Variants in NALF1 observed in about 807,000 individuals in gnomAD.
NALF1 encodes NALCN channel auxiliary factor 1.
Under a neutral mutation model 48.4 loss-of-function variants are expected in NALF1, and 3 were observed. The observed-to-expected ratio is 0.06, with a 90% CI of 0.03 to 0.16. The LOEUF is 0.16. Among genes scored for constraint, NALF1 ranks in the 10% least tolerant of loss-of-function variants. The pLI, the probability that NALF1 is intolerant of heterozygous loss-of-function variation, is 1.00. For synonymous variants in NALF1, 262 were observed against 245.7 expected, an observed-to-expected ratio of 1.07 and a Z score of -0.62; for missense variants, 526 against 571.5, an observed-to-expected ratio of 0.92 and a Z score of 0.81.
chr13:107,299,450 T>C (rs950304217), intron 1 of NALF1, among the ~76,000 whole-genome samples: 547 of 49,122 alleles, frequency 0.011, 5 homozygotes, highest in Non-Finnish European at 0.02. Flanking sequence ...ATAATAATAA[T>C]AATAATAATA....
intron 1 of NALF1, among the ~76,000 whole-genome samples, chr13:107,721,539 C>A (rs1875986612): frequency 6.6e-6 from 1 of 152,170 alleles, no homozygotes; most frequent in South Asian, 2.1e-4. Context: ...CGGTGTAGTG[C>A]AAATCTGGCT....
Position 107,225,907 on chromosome 13 carries a change from C to G in NALF1, c.916-15152G>C, listed in dbSNP as rs191694385. Among the ~76,000 whole-genome samples the G allele has an allele frequency of 2.1e-3, 325 of 152,144 alleles. 1 individual carries two copies. The highest frequency in any genetic ancestry group is 2.7e-3 in the Non-Finnish European group (186 of 68,000). ...CGTTAGCTTATCAAGGAATGAAACA[C>G]CTTCTGCTTGTTTCCCTTACATTGG... On this transcript the variant is annotated intron_variant, in intron 1 of 2. Transcript: ENST00000375915.
chr13:107,627,779 T>C (rs1879719127), intron 1 of NALF1, among the ~76,000 whole-genome samples: 1 of 152,094 alleles, frequency 6.6e-6, no homozygotes, highest in South Asian at 2.1e-4. Context: ...AGAGAGAAAG[T>C]AAAATTTGAC....
At chr13:107,299,775 T>C (rs1881804413) in intron 1 of NALF1, among the ~76,000 whole-genome samples, 1 of 152,130 alleles carries the variant, frequency 6.6e-6, no homozygotes. Context: ...TTCCATGAAT[T>C]ATAATCCAAT....
At chr13:107,397,247 T>C (rs1290671964) in intron 1 of NALF1, among the ~76,000 whole-genome samples, 1 of 152,172 alleles carries the variant, frequency 6.6e-6, no homozygotes, top group Non-Finnish European at 1.5e-5. Context: ...GAATCCCTTC[T>C]TCCTGCCCAT....
chr13:107,258,490 T>C (rs192637136), intron 1 of NALF1, among the ~76,000 whole-genome samples: 48 of 152,254 alleles, frequency 3.2e-4, no homozygotes, highest in Non-Finnish European at 6.3e-4. Flanking sequence ...GTAAGATTGG[T>C]CAAATCTACA....
In NALF1 at chr13:107,612,694, T is replaced by C. The variant is rs144061940; in HGVS notation, c.915+252988A>G. Among the ~76,000 whole-genome samples the C allele has an allele frequency of 4.2e-3, 646 of 152,248 alleles. 3 individuals are homozygous for C. The highest frequency in any genetic ancestry group is 0.015 in the African/African-American group (612 of 41,542). On this transcript the variant is annotated intron_variant, in intron 1 of 2. Transcript: ENST00000375915. ...CACAGGCGGGTATACTGGCACTTCA[T>C]GGACTTCAAGGCTGCCAGCATTTGG...
At chr13:107,414,816 A>AGT (rs34942300) in intron 1 of NALF1, among the ~76,000 whole-genome samples, 1,583 of 150,556 alleles carry the variant, frequency 0.011, 28 homozygotes, top group African/African-American at 0.033. Flanking sequence ...GGAGTGAGTG[A>AGT]GTGTGTGTGT....
intron 1 of NALF1, among the ~76,000 whole-genome samples, chr13:107,593,382 T>C (rs574105569): frequency 3.3e-5 from 5 of 152,076 alleles, no homozygotes; most frequent in Non-Finnish European, 7.4e-5. Context: ...CCTAGAATTT[T>C]ATTATAATTC....
chr13:107,559,015 G>C (rs996910522), intron 1 of NALF1, among the ~76,000 whole-genome samples: 1 of 152,190 alleles, frequency 6.6e-6, no homozygotes, highest in Non-Finnish European at 1.5e-5. Context: ...CCACCCTGCA[G>C]GGACCAGATC....
chr13:107,622,349 G>T (rs1406419751), intron 1 of NALF1, among the ~76,000 whole-genome samples: 1 of 151,576 alleles, frequency 6.6e-6, no homozygotes, highest in Admixed American at 6.6e-5. Flanking sequence ...GAGGCAGGAG[G>T]AGAATCGCTT....
intron 1 of NALF1, among the ~76,000 whole-genome samples, chr13:107,601,917 CTTCTAT>C (rs1298377366): frequency 3.3e-5 from 5 of 151,932 alleles, no homozygotes; most frequent in Admixed American, 3.3e-4. Flanking sequence ...CTTCCTTTTC[CTTCTAT>C]TTCTCTCTCC....
chr13:107,283,450 TAA>T (rs55738590), intron 1 of NALF1, among the ~76,000 whole-genome samples: 1 of 148,116 alleles, frequency 6.8e-6, no homozygotes, highest in African/African-American at 2.5e-5. Context: ...AATGCTGAGT[TAA>T]AAAAAAAAAT....
chr13:107,619,730 T>C (rs1157822693), intron 1 of NALF1, among the ~76,000 whole-genome samples: 3 of 152,104 alleles, frequency 2.0e-5, no homozygotes, highest in Non-Finnish European at 2.9e-5. Flanking sequence ...AGAAGTTGAG[T>C]GACTCCCTCA....
intron 1 of NALF1, among the ~76,000 whole-genome samples, chr13:107,829,671 A>C (rs531949852): frequency 2.2e-4 from 33 of 152,252 alleles, no homozygotes; most frequent in African/African-American, 7.7e-4. Context: ...AGAACAATTT[A>C]TGAAAAAAAG....
At chr13:107,270,039 G>A (rs1477591476) in intron 1 of NALF1, among the ~76,000 whole-genome samples, 1 of 149,954 alleles carries the variant, frequency 6.7e-6, no homozygotes, top group African/African-American at 2.5e-5. Flanking sequence ...CAAAGTGCTG[G>A]GATTACAGGC....
chr13:107,475,385 C>G (rs996362708), intron 1 of NALF1, among the ~76,000 whole-genome samples: 1 of 152,178 alleles, frequency 6.6e-6, no homozygotes, highest in East Asian at 1.9e-4. Context: ...TTTTTAGTGT[C>G]TGCTCTACTA....
At chr13:107,549,431 A>G (rs1260308073) in intron 1 of NALF1, among the ~76,000 whole-genome samples, 1 of 152,178 alleles carries the variant, frequency 6.6e-6, no homozygotes, top group African/African-American at 2.4e-5. Flanking sequence ...ATCAGGTGAG[A>G]TTAATCAATA....
At chr13:107,185,441 C>T (rs1879151914) in intron 2 of NALF1, among the ~76,000 whole-genome samples, 1 of 137,452 alleles carries the variant, frequency 7.3e-6, no homozygotes, top group Admixed American at 7.6e-5. Context: ...ACCTCACTTC[C>T]CCTGTGGATA....
Sources: allele counts gnomAD v4.1 joint callset (sites outside exome capture counted in the v4.1 genomes callset), GRCh38; gene constraint gnomAD v4.1.1; transcripts MANE v1.5; gene names NCBI Gene and HGNC (gene_info 2026-07-23, HGNC 2026-07-21).